The following ZBP1 variants were observed in gnomAD, a reference collection of about 807,000 sequenced individuals.
The protein encoded by ZBP1 is Z-DNA-binding protein 1.
ZBP1 carries 42 observed loss-of-function variants against 41.1 expected under a neutral mutation model. The ratio of observed to expected loss-of-function variants is 1.02; its 90% CI spans 0.80 to 1.32. ZBP1 has a LOEUF of 1.32. ZBP1 is among the 40% of genes most tolerant of loss of function. ZBP1 has a pLI of 0.00. For synonymous variants in ZBP1, 214 were observed against 205.2 expected (o/e 1.04, Z -0.37); for missense variants, 562 against 549.7 (o/e 1.02, Z -0.22).
intron 6 of ZBP1, among the ~76,000 whole-genome samples, 172 bp downstream of exon 6, chr20:57,611,555 C>A (rs893921094): frequency 2.0e-5 from 3 of 152,022 alleles, no homozygotes; most frequent in African/African-American, 7.2e-5. Flanking sequence ...CCGCGCCCAG[C>A]CTAGAGTGCT....
Position 57,610,125 on chromosome 20 carries a change from G to T in ZBP1, c.1093+24C>A. The T allele has an allele frequency of 3.8e-6, 6 of 1,594,898 alleles. No homozygotes were observed. The highest frequency in any genetic ancestry group is 5.2e-6 in the Non-Finnish European group (6 of 1,163,898). On this transcript the variant is annotated intron_variant, in intron 7 of 7. Coordinates refer to ENST00000371173, the MANE Select transcript of ZBP1 (RefSeq NM_030776.3). The surrounding 1 kb of genome is among the most constrained non-coding windows in gnomAD (Gnocchi z 5.5). ...TGGGGAGAGAGAGAGAACACACAGG[G>T]GTCCACTCTGCCCCCTAGCTCACCT... is the stretch of plus-strand genomic sequence containing the variant.
At position 57,615,522 on chromosome 20, in the gene ZBP1, G is replaced by A. The variant is rs1382921362; in HGVS notation, c.318C>T (p.Ser106=). ...TIPETPGPQF[S]QQREEDIYRF... ...CATGCAAAAACTTACCCCGTTGTTG[G>A]CTGAACTGAGGGCCAGGGGTCTCTG... The change falls in exon 3 of 8, where the codon AGC becomes AGT. Residue 106 remains serine (S), a synonymous_variant. Transcript: ENST00000371173. The A allele has an allele frequency of 2.5e-6, 4 of 1,613,242 alleles. No individual in the cohort carries two copies. Among genetic ancestry groups the A allele is most frequent in the African/African-American group, 2.7e-5 (2 of 74,834 alleles).
chr20:57,607,776 T>C (rs574808340), intron 7 of ZBP1, among the ~76,000 whole-genome samples: 19 of 152,322 alleles, frequency 1.2e-4, no homozygotes, highest in African/African-American at 4.6e-4. Flanking sequence ...ATAGAGATGA[T>C]GACTGGCAGA....
chr20:57,605,180 C>T (rs570295503), intron 7 of ZBP1, among the ~76,000 whole-genome samples: 5 of 152,342 alleles, frequency 3.3e-5, no homozygotes, highest in East Asian at 1.9e-4. Context: ...GATAAGGTCC[C>T]GCCCGCCACT....
chr20:57,616,699 G>T, intron 1 of ZBP1: 1 of 551,376 alleles, frequency 1.8e-6, no homozygotes, highest in South Asian at 2.1e-5. Context: ...GCAGCCTGGT[G>T]GCCAGGGGAG....
Position 57,604,420 on chromosome 20 carries a change from G to A in ZBP1, c.*153C>T. 6 of 960,314 alleles carry A rather than the reference G, an allele frequency of 6.2e-6. No individual in the cohort carries two copies. The highest frequency in any genetic ancestry group is 9.8e-6 in the Non-Finnish European group (6 of 609,986). 59.5% of individuals were successfully genotyped at this position (960,314 alleles called of 1,614,324 possible). A position where few individuals can be genotyped will look rare whatever the true frequency, so the allele number is the denominator to read the frequency against. On this transcript the variant is annotated 3_prime_UTR_variant, in exon 8 of 8. Transcript: ENST00000371173. ...AGACCTGGCCTGAACCCATCCCCAT[G>A]CCAGGTCCATTCCCCCAAAACTGAT... is the stretch of plus-strand genomic sequence containing the variant.
chr20:57,606,481 G>A (rs1483332147), intron 7 of ZBP1, among the ~76,000 whole-genome samples: 3 of 152,254 alleles, frequency 2.0e-5, no homozygotes, highest in Admixed American at 6.5e-5. Flanking sequence ...TCATTGATGA[G>A]CGTGACTACA....
Position 57,620,283 on chromosome 20 carries a change from G to C in ZBP1, c.13C>G (p.Pro5Ala). 6.3e-7 allele frequency: 1 copy of C among 1,598,058 alleles called. No homozygotes were observed. The highest frequency in any genetic ancestry group is 8.5e-7 in the Non-Finnish European group (1 of 1,172,012). The change falls in exon 1 of 8, where the codon CCT becomes GCT. Residue 5 changes from proline (P) to alanine (A), a missense_variant. Transcript: ENST00000371173. ...GTACCTTCTCTGCCCGGGTCAGCAG[G>C]AGCCTGGGCCATGCTGACAGCAGCT... MAQA[P>A]ADPGREGHLE...
In ZBP1 at chr20:57,610,888, C is replaced by T. The variant is rs532439413; in HGVS notation, c.875-521G>A. 6.2e-4 allele frequency among the ~76,000 whole-genome samples: 94 copies of T among 152,078 alleles called. No homozygotes were observed. Among genetic ancestry groups the T allele is most frequent in the African/African-American group, 2.2e-3 (90 of 41,462 alleles). Reference sequence around the variant, plus strand: ...CCCTCAAGGTTACCACGATCCCTCTCGCTGAACCCCACAGATGCTTCCCTG... The same window carrying T: ...CCCTCAAGGTTACCACGATCCCTCTTGCTGAACCCCACAGATGCTTCCCTG... On this transcript the variant is annotated intron_variant, in intron 6 of 7. Transcript: ENST00000371173. This position sits in a 1 kb window ranked among gnomAD's most constrained non-coding sequence, Gnocchi z 5.5.
At chr20:57,614,777 G>T in intron 4 of ZBP1, 110 bp downstream of exon 4, 1 of 1,421,998 alleles carries the variant, frequency 7.0e-7, no homozygotes. Context: ...AGGACCTCCA[G>T]AAGCTTCTAG....
In ZBP1 at chr20:57,616,221, C is replaced by T. The variant is rs200070791; in HGVS notation, c.259+23G>A. The T allele has an allele frequency of 1.0e-4, 166 of 1,607,512 alleles. 1 individual carries two copies. The African/African-American group carries it at 1.7e-3, about 16-fold the overall frequency. ...AGGATGCTCCCTGCAGGGTCAGACC[C>T]GCCTCCCCGGGGTGGCAGTTACCAG... is the stretch of plus-strand genomic sequence containing the variant. On this transcript the variant is annotated intron_variant, in intron 2 of 7. Transcript: ENST00000371173.
intron 7 of ZBP1, among the ~76,000 whole-genome samples, chr20:57,608,161 G>A (rs930677202): frequency 4.0e-5 from 6 of 151,262 alleles, no homozygotes; most frequent in South Asian, 4.2e-4. Flanking sequence ...TTGCTCTGTC[G>A]CCCAGGCTGG....
At chr20:57,605,033 C>T (rs968184047) in intron 7 of ZBP1, among the ~76,000 whole-genome samples, 1 of 152,298 alleles carries the variant, frequency 6.6e-6, no homozygotes, top group Non-Finnish European at 1.5e-5. Context: ...AGGGCTCTCC[C>T]AGTCCTCCCA....
chr20:57,615,155 C>G, intron 3 of ZBP1, 95 bp from the exon 4 acceptor site: 1 of 1,368,978 alleles, frequency 7.3e-7, no homozygotes, highest in Non-Finnish European at 1.0e-6. Flanking sequence ...CCCAGCCCCT[C>G]AAGGCCTGGT....
chr20:57,615,449 C>G (rs1470157852), intron 3 of ZBP1, 63 bp downstream of exon 3: 23 of 1,556,198 alleles, frequency 1.5e-5, no homozygotes, highest in Non-Finnish European at 2.7e-6. Context: ...TCAAGGAGGG[C>G]CTGGGGTTCC....
intron 1 of ZBP1, 61 bp from the exon 2 acceptor site, chr20:57,616,529 C>A: frequency 6.3e-7 from 1 of 1,592,644 alleles, no homozygotes; most frequent in Non-Finnish European, 8.6e-7. Flanking sequence ...CACAGTTGAG[C>A]CCAGGCTGGA....
In ZBP1 at chr20:57,610,419, C is replaced by A; in HGVS notation, c.875-52G>T. The A allele has an allele frequency of 4.4e-6, 7 of 1,595,968 alleles. No homozygotes were observed. Among genetic ancestry groups the A allele is most frequent in the African/African-American group, 4.0e-5 (3 of 74,568 alleles). On this transcript the variant is annotated intron_variant, in intron 6 of 7. Transcript: ENST00000371173. The surrounding 1 kb of genome is among the most constrained non-coding windows in gnomAD (Gnocchi z 5.5). ...GAGCCAGGAGCAGCTGGACAGTGGC[C>A]GGGAACCCTGACCCCCAGCCTGGTT...
At chr20:57,605,941 A>G (rs2070485538) in intron 7 of ZBP1, among the ~76,000 whole-genome samples, 1 of 151,710 alleles carries the variant, frequency 6.6e-6, no homozygotes, top group Admixed American at 6.6e-5. Context: ...TCTCAAAAAT[A>G]AATAAATAAA....
intron 7 of ZBP1, among the ~76,000 whole-genome samples, chr20:57,605,255 A>G (rs2070466784): frequency 6.6e-6 from 1 of 152,206 alleles, no homozygotes; most frequent in African/African-American, 2.4e-5. Flanking sequence ...TTGGTTTATT[A>G]CACTTCATAG....
Sources: gnomAD v4.1 joint callset for allele counts (sites outside exome capture counted in the v4.1 genomes callset) on GRCh38, gnomAD v4.1.1 for gene constraint, Gnocchi (gnomAD v3.1) non-coding constraint, MANE v1.5 for transcripts, NCBI Gene and HGNC (gene_info 2026-07-23, HGNC 2026-07-21) for gene names.